Variants in SHISAL2B observed in about 807,000 individuals in gnomAD.
SHISAL2B encodes the protein shisa like 2B, also known as protein shisa-like-2B.
Under a neutral mutation model 16.5 loss-of-function variants are expected in SHISAL2B, and 12 were observed. The observed-to-expected ratio is 0.73, with a 90% CI of 0.47 to 1.18. The LOEUF is 1.18. SHISAL2B is among the 50% of genes most tolerant of loss of function. The pLI is 0.00. For synonymous variants in SHISAL2B, 72 were observed against 75.0 expected (o/e 0.96, Z 0.21); for missense variants, 183 against 193.6 (o/e 0.95, Z 0.33).
chr5:64,708,480 C>T (rs1032494701), intron 2 of SHISAL2B, among the ~76,000 whole-genome samples: 8 of 152,084 alleles, frequency 5.3e-5, no homozygotes, highest in East Asian at 1.9e-4. Flanking sequence ...AGAGAAAAGA[C>T]TTAATTTCCT....
intron 2 of SHISAL2B, among the ~76,000 whole-genome samples, chr5:64,707,524 T>G (rs527552044): frequency 6.6e-6 from 1 of 152,218 alleles, no homozygotes; most frequent in African/African-American, 2.4e-5. Context: ...ATTCAAAGCC[T>G]TGGTAAAACA....
chr5:64,690,568 G>A lies in SHISAL2B; in HGVS notation c.-56G>A, dbSNP rs906957102. On this transcript the variant is annotated 5_prime_UTR_variant, in exon 1 of 3. In the 5' UTR this introduces an upstream ATG that the reference lacks. Coordinates refer to ENST00000389074, the MANE Select transcript of SHISAL2B (RefSeq NM_001164442.2). ...CGCGGGCTCTGGAGGTGCTGGACGG[G>A]TGCGATCCGAGAGCAGACCGGGGCC... The A allele has an allele frequency of 1.0e-5, 14 of 1,385,876 alleles. No homozygotes were observed. The highest frequency in any genetic ancestry group is 1.3e-5 in the Non-Finnish European group (14 of 1,058,374). 85.8% of individuals were successfully genotyped at this position (1,385,876 alleles called of 1,614,324 possible). A position where few individuals can be genotyped will look rare whatever the true frequency, so the allele number is the denominator to read the frequency against.
chr5:64,718,002 C>T lies in SHISAL2B; in HGVS notation c.463C>T (p.Gln155Ter). The T allele has an allele frequency of 6.6e-7, 1 of 1,513,312 alleles. No homozygotes were observed. The highest frequency in any genetic ancestry group is 1.3e-5 in the South Asian group (1 of 78,316). The allele number at this position is 1,513,312 out of a possible 1,614,324, so 93.7% of individuals were successfully genotyped here. A position where few individuals can be genotyped will look rare whatever the true frequency, so the allele number is the denominator to read the frequency against. Residue 155 changes from glutamine (Q) to a stop codon, truncating the protein, a stop_gained, in exon 3 of 3, where the codon CAA (glutamine) becomes TAA (stop). Transcript: ENST00000389074. LOFTEE classifies it high-confidence loss of function. ...IIQEKTMDAT[Q>*]IHIAY is the part of the protein sequence containing the mutation. ...TCAAGAAAAAACAATGGATGCAACA[C>T]AAATCCACATTGCTTATTAACTAAA...
chr5:64,715,851 T>A (rs951047081), intron 2 of SHISAL2B, among the ~76,000 whole-genome samples: 1 of 152,238 alleles, frequency 6.6e-6, no homozygotes, highest in African/African-American at 2.4e-5. Context: ...ATTTAGCAAT[T>A]CTATCATTGG....
At chr5:64,714,911 C>T (rs987184574) in intron 2 of SHISAL2B, among the ~76,000 whole-genome samples, 2 of 152,168 alleles carry the variant, frequency 1.3e-5, no homozygotes, top group African/African-American at 4.8e-5. Flanking sequence ...GTGCACGGTG[C>T]GTGCACCCAC....
At chr5:64,716,282 G>T (rs1214604013) in intron 2 of SHISAL2B, among the ~76,000 whole-genome samples, 2 of 152,156 alleles carry the variant, frequency 1.3e-5, no homozygotes, top group African/African-American at 4.8e-5. Context: ...TTGCTAGTTG[G>T]TTTTCAATCT....
chr5:64,717,163 G>A (rs1475762029), intron 2 of SHISAL2B, among the ~76,000 whole-genome samples: 1 of 152,144 alleles, frequency 6.6e-6, no homozygotes, highest in Non-Finnish European at 1.5e-5. Flanking sequence ...ATCAACTGCT[G>A]CTAAGAAATC....
chr5:64,709,420 C>G (rs1741922707), intron 2 of SHISAL2B, among the ~76,000 whole-genome samples: 2 of 147,162 alleles, frequency 1.4e-5, no homozygotes, highest in African/African-American at 2.5e-5. Context: ...GCCACATTTT[C>G]TTAATCCAGT....
chr5:64,694,793 T>C (rs1221317420), intron 1 of SHISAL2B, among the ~76,000 whole-genome samples: 1 of 152,228 alleles, frequency 6.6e-6, no homozygotes, highest in East Asian at 1.9e-4. Flanking sequence ...CATATGTCTT[T>C]AGTGCTTTTG....
intron 2 of SHISAL2B, among the ~76,000 whole-genome samples, chr5:64,698,078 A>G (rs888228971): frequency 1.3e-5 from 2 of 152,240 alleles, no homozygotes; most frequent in African/African-American, 4.8e-5. Context: ...CTGGAAGTTG[A>G]TTAGTGATTA....
intron 2 of SHISAL2B, among the ~76,000 whole-genome samples, chr5:64,703,198 A>G (rs1013194922): frequency 2.1e-4 from 32 of 152,220 alleles, no homozygotes; most frequent in Admixed American, 3.9e-4. Context: ...ACGTCCTTTC[A>G]GAAACATTTG....
In SHISAL2B at chr5:64,690,505, A is replaced by T; in HGVS notation, c.-119A>T. The T allele has an allele frequency of 1.3e-6, 1 of 753,264 alleles. No individual in the cohort carries two copies. 46.7% of individuals were successfully genotyped at this position (753,264 alleles called of 1,614,324 possible). On this transcript the variant is annotated 5_prime_UTR_variant, in exon 1 of 3. Transcript: ENST00000389074. ...GAAGGCTGAGCGCCCAGGCAGCCAGAGCCCAGATCGGAAGAGCCGAGTCCG... is the reference window on the plus strand; with the variant it reads ...GAAGGCTGAGCGCCCAGGCAGCCAGTGCCCAGATCGGAAGAGCCGAGTCCG...
At chr5:64,709,571 T>A (rs900507226) in intron 2 of SHISAL2B, among the ~76,000 whole-genome samples, 12 of 151,400 alleles carry the variant, frequency 7.9e-5, no homozygotes, top group Non-Finnish European at 1.6e-4. Flanking sequence ...GATGGCTGGG[T>A]CAAATGGTAT....
intron 2 of SHISAL2B, among the ~76,000 whole-genome samples, chr5:64,714,942 G>A (rs1358709258): frequency 2.0e-5 from 3 of 152,136 alleles, no homozygotes; most frequent in Admixed American, 6.5e-5. Flanking sequence ...CCACTGTCTG[G>A]CACTCCCTAG....
At chr5:64,708,738 CTT>C (rs1002490397) in intron 2 of SHISAL2B, among the ~76,000 whole-genome samples, 21 of 152,154 alleles carry the variant, frequency 1.4e-4, no homozygotes, top group Admixed American at 1.2e-3. Flanking sequence ...TTTTAAATAT[CTT>C]TGCTTGCTGA....
Position 64,718,125 on chromosome 5 carries a change from T to G in SHISAL2B, c.*103T>G. The stretch of plus-strand genomic sequence containing the variant: ...ATATTGCTTTTCAAAAATTCGTCAC[T>G]CACAAAGCAAGACACAGCTGCATTT... On this transcript the variant is annotated 3_prime_UTR_variant, in exon 3 of 3. Coordinates refer to ENST00000389074, the MANE Select transcript of SHISAL2B (RefSeq NM_001164442.2). The G allele has an allele frequency of 9.8e-7, 1 of 1,019,590 alleles. No individual in the cohort carries two copies. The highest frequency in any genetic ancestry group is 1.3e-6 in the Non-Finnish European group (1 of 750,004). The allele number at this position is 1,019,590 out of a possible 1,614,324, so 63.2% of individuals were successfully genotyped here.
chr5:64,694,022 C>T, intron 1 of SHISAL2B: 1 of 450,480 alleles, frequency 2.2e-6, no homozygotes, highest in South Asian at 1.6e-5. Flanking sequence ...GTTCTCCTTC[C>T]TCCCAAAGCA....
chr5:64,717,014 G>C (rs1006539040), intron 2 of SHISAL2B, among the ~76,000 whole-genome samples: 5 of 152,162 alleles, frequency 3.3e-5, no homozygotes, highest in African/African-American at 1.2e-4. Flanking sequence ...TGCATGTAGG[G>C]TGAGAGAAAA....
intron 1 of SHISAL2B, among the ~76,000 whole-genome samples, chr5:64,693,333 C>T (rs779646257): frequency 1.6e-4 from 25 of 152,058 alleles, no homozygotes; most frequent in Non-Finnish European, 3.4e-4. Context: ...ATAAAGTGAA[C>T]GGTGACATTG....
Sources: gnomAD v4.1 joint callset for allele counts (sites outside exome capture counted in the v4.1 genomes callset) on GRCh38, gnomAD v4.1.1 for gene constraint, MANE v1.5 for transcripts, NCBI Gene and HGNC (gene_info 2026-07-23, HGNC 2026-07-21) for gene names.